Variants in FERMT1 observed in about 807,000 individuals in gnomAD.
FERMT1 encodes the protein fermitin family homolog 1.
FERMT1 carries 60 observed loss-of-function variants against 85.3 expected under a neutral mutation model. The observed-to-expected ratio is 0.70, with a 90% confidence interval of 0.57 to 0.87. The LOEUF (loss-of-function observed/expected upper bound fraction) is 0.87. FERMT1 is among the 40% of genes least tolerant of loss of function. FERMT1 has a pLI of 0.00. For synonymous variants in FERMT1, 275 were observed against 301.1 expected (o/e 0.91, Z 0.90); for missense variants, 701 against 818.9 (o/e 0.86, Z 1.76).
At chr20:6,095,109 CAAATT>C in intron 8 of FERMT1, 121 bp from the exon 9 acceptor site, 1 of 669,790 alleles carries the variant, frequency 1.5e-6, no homozygotes, top group South Asian at 1.7e-5. Flanking sequence ...TGAATTAATT[CAAATT>C]AAATAAAATG....
intron 14 of FERMT1, 70 bp from the exon 15 acceptor site, chr20:6,077,416 A>G (rs41282958): frequency 3.5e-5 from 54 of 1,538,848 alleles, no homozygotes; most frequent in Non-Finnish European, 4.6e-5. Context: ...GCTTTGCTGG[A>G]CTGGCCCCTG....
At chr20:6,087,691 G>C (rs1417047327) in intron 11 of FERMT1, 86 bp downstream of exon 11, 2 of 784,600 alleles carry the variant, frequency 2.5e-6, no homozygotes, top group Middle Eastern at 2.3e-4. Context: ...ACACAATAGT[G>C]CTCTAAATTT....
intron 7 of FERMT1, 48 bp downstream of exon 7, chr20:6,097,476 A>C (rs1982538431): frequency 7.4e-7 from 1 of 1,351,508 alleles, no homozygotes; most frequent in Admixed American, 1.7e-5. Context: ...CAAGCAGAAC[A>C]AACTTGGTTT....
intron 12 of FERMT1, among the ~76,000 whole-genome samples, 167 bp from the exon 13 acceptor site, chr20:6,084,331 A>G (rs1982102117): frequency 6.6e-6 from 1 of 152,226 alleles, no homozygotes. Context: ...TACAAGATAC[A>G]ACAATCACTG....
intron 13 of FERMT1, among the ~76,000 whole-genome samples, chr20:6,083,706 C>CAA (rs35242103): frequency 1.2e-5 from 1 of 82,032 alleles, no homozygotes; most frequent in Non-Finnish European, 2.6e-5. Context: ...AAAAAAAAAA[C>CAA]AAAAAAAAAA....
At chr20:6,116,143 C>T in intron 2 of FERMT1, 99 bp from the exon 3 acceptor site, 6 of 837,776 alleles carry the variant, frequency 7.2e-6, no homozygotes, top group Middle Eastern at 2.2e-4. Flanking sequence ...AAAATGGAAA[C>T]CAACAACTGA....
At position 6,091,873 on chromosome 20, in the gene FERMT1, G is replaced by A. The variant is rs537736286; in HGVS notation, c.1140-2784C>T. Reference sequence around the variant, plus strand: ...GGGTAGGGGAAGGGGCAGCGGAGGCGATGCTGGGTGGTGAATGACGTGCAT... The same window carrying A: ...GGGTAGGGGAAGGGGCAGCGGAGGCAATGCTGGGTGGTGAATGACGTGCAT... On this transcript the variant is annotated intron_variant, in intron 9 of 14. Transcript: ENST00000217289. Among the ~76,000 whole-genome samples the A allele has an allele frequency of 2.6e-5, 4 of 152,236 alleles. No homozygotes were observed. In the South Asian group the frequency reaches 6.2e-4, roughly 24 times the overall value.
intron 5 of FERMT1, among the ~76,000 whole-genome samples, chr20:6,108,345 C>T (rs928886189): frequency 1.3e-5 from 2 of 152,278 alleles, no homozygotes; most frequent in South Asian, 2.1e-4. Context: ...TCAGTAAGCA[C>T]ATAATAATAG....
chr20:6,082,253 C>T (rs986328631), intron 13 of FERMT1, among the ~76,000 whole-genome samples: 1 of 152,224 alleles, frequency 6.6e-6, no homozygotes, highest in Non-Finnish European at 1.5e-5. Context: ...CCACGCTTCA[C>T]CACGTATCAG....
intron 1 of FERMT1, among the ~76,000 whole-genome samples, chr20:6,121,756 C>G (rs1347445532): frequency 6.6e-6 from 1 of 152,168 alleles, no homozygotes; most frequent in African/African-American, 2.4e-5. Flanking sequence ...TCCAGGTCTG[C>G]CTTTCTATTT....
At position 6,076,481 on chromosome 20, in the gene FERMT1, A is replaced by T; in HGVS notation, c.*692T>A. ...TCTGTAGGAATGGAATGGGGCTTGC[A>T]GGTGGCCCCAGAAATCTGAGGAGAC... On this transcript the variant is annotated 3_prime_UTR_variant, in exon 15 of 15. Coordinates refer to ENST00000217289, the MANE Select transcript of FERMT1 (RefSeq NM_017671.5). 1.9e-6 allele frequency: 1 copy of T among 516,636 alleles called. No homozygotes were observed. The highest frequency in any genetic ancestry group is 1.4e-5 in the South Asian group (1 of 70,612). 32.0% of individuals were successfully genotyped at this position (516,636 alleles called of 1,614,324 possible).
In FERMT1 at chr20:6,076,771, G is replaced by T; in HGVS notation, c.*402C>A. The stretch of plus-strand genomic sequence containing the variant: ...TACCTGAGTTTGTGAAATAAGAGTT[G>T]TTCTTGCTACACGTGATTTTTACCT... On this transcript the variant is annotated 3_prime_UTR_variant, in exon 15 of 15. Transcript: ENST00000217289. 3.0e-6 allele frequency: 1 copy of T among 336,474 alleles called. No homozygotes were observed. Among genetic ancestry groups the T allele is most frequent in the Non-Finnish European group, 5.8e-6 (1 of 172,936 alleles). The allele number at this position is 336,474 out of a possible 1,614,324, so 20.8% of individuals were successfully genotyped here. A position where few individuals can be genotyped will look rare whatever the true frequency, so the allele number is the denominator to read the frequency against.
At chr20:6,078,864 G>A (rs1305653246) in intron 14 of FERMT1, among the ~76,000 whole-genome samples, 1 of 152,146 alleles carries the variant, frequency 6.6e-6, no homozygotes, top group Non-Finnish European at 1.5e-5. Flanking sequence ...GATGGGAGAT[G>A]ATGGGAGGCT....
intron 2 of FERMT1, among the ~76,000 whole-genome samples, chr20:6,118,900 A>G (rs536158745): frequency 5.3e-5 from 8 of 152,026 alleles, no homozygotes; most frequent in Non-Finnish European, 1.2e-4. Flanking sequence ...GTTGAAGTCC[A>G]GCATTATACC....
At chr20:6,121,503 G>T (rs1983276738) in intron 1 of FERMT1, among the ~76,000 whole-genome samples, 1 of 152,246 alleles carries the variant, frequency 6.6e-6, no homozygotes, top group South Asian at 2.1e-4. Context: ...AGAACCCTCT[G>T]CATGAGGAGT....
intron 3 of FERMT1, 38 bp downstream of exon 3, chr20:6,115,773 G>C: frequency 2.1e-6 from 3 of 1,455,812 alleles, no homozygotes; most frequent in Non-Finnish European, 2.9e-6. Context: ...AGCTTTGCAA[G>C]AGTCTACAGG....
chr20:6,103,497 C>A lies in FERMT1; in HGVS notation c.849+4035G>T, dbSNP rs6085402. On this transcript the variant is annotated intron_variant, in intron 6 of 14. Coordinates refer to ENST00000217289, the MANE Select transcript of FERMT1 (RefSeq NM_017671.5). ...GTAATTCTGATACTGCCAAATTGCC[C>A]TCTATAGACTAATTTATACTTTGAC... Among the ~76,000 whole-genome samples, 4 of 152,078 alleles carry A rather than the reference C, an allele frequency of 2.6e-5. No individual in the cohort carries two copies. In the East Asian group the frequency reaches 7.7e-4, roughly 29 times the overall value.
At chr20:6,116,163 C>A (rs1184874656) in intron 2 of FERMT1, 119 bp from the exon 3 acceptor site, 1 of 746,934 alleles carries the variant, frequency 1.3e-6, no homozygotes, top group Non-Finnish European at 2.3e-6. Flanking sequence ...ATCTCCAGCT[C>A]CTCATGGCCT....
In FERMT1 at chr20:6,097,518, C is replaced by T. The variant is rs1035607824; in HGVS notation, c.957+6G>A. The T allele has an allele frequency of 3.2e-5, 52 of 1,601,050 alleles. No individual in the cohort carries two copies. Among genetic ancestry groups the T allele is most frequent in the Non-Finnish European group, 4.4e-5 (51 of 1,168,134 alleles). The stretch of plus-strand genomic sequence containing the variant: ...TTCCAGAGAAAAGGTACTGAAGTTC[C>T]CATACCTGTAGAGCTGCAAAGATCA... On this transcript the variant is annotated splice_donor_region_variant and intron_variant, in intron 7 of 14. Coordinates refer to ENST00000217289, the MANE Select transcript of FERMT1 (RefSeq NM_017671.5).
Sources: allele counts gnomAD v4.1 joint callset (sites outside exome capture counted in the v4.1 genomes callset), GRCh38; gene constraint gnomAD v4.1.1; transcripts MANE v1.5; gene names NCBI Gene and HGNC (gene_info 2026-07-23, HGNC 2026-07-21).